CDH12: variants seen among roughly 807,000 people sequenced by gnomAD.
The protein encoded by CDH12 is cadherin-12.
A neutral mutation model predicts 74.1 loss-of-function variants in CDH12; 41 were observed. That is an observed-to-expected ratio of 0.55 (90% CI 0.43 to 0.72). CDH12 has a LOEUF of 0.72. Among genes scored for constraint, CDH12 ranks in the 30% least tolerant of loss-of-function variants. The pLI is 0.00. For missense variants in CDH12, 945 were observed against 977.2 expected (o/e 0.97, Z 0.44); for synonymous variants, 399 against 355.0 (o/e 1.12, Z -1.39).
At chr5:22,373,789 A>G (rs1458482321) in intron 3 of CDH12, among the ~76,000 whole-genome samples, 1 of 152,216 alleles carries the variant, frequency 6.6e-6, no homozygotes, top group Non-Finnish European at 1.5e-5. Flanking sequence ...TAGGAAAACA[A>G]TCCTTCCCTA....
intron 9 of CDH12, among the ~76,000 whole-genome samples, chr5:21,814,142 A>AGTGTGTGTGTGTGT (rs59666017): frequency 3.4e-5 from 5 of 145,602 alleles, no homozygotes; most frequent in East Asian, 2.1e-4. Flanking sequence ...AGGAGAAATG[A>AGTGTGTGTGTGTGT]GTGTGTGTGT....
At chr5:22,211,858 C>CT (rs1000960296) in intron 4 of CDH12, among the ~76,000 whole-genome samples, 4 of 151,444 alleles carry the variant, frequency 2.6e-5, no homozygotes, top group Non-Finnish European at 4.4e-5. Flanking sequence ...CCTTTGCTTT[C>CT]TTTTTTTATT....
At chr5:22,137,939 A>C (rs1367788016) in intron 4 of CDH12, among the ~76,000 whole-genome samples, 6 of 152,262 alleles carry the variant, frequency 3.9e-5, no homozygotes. Context: ...GATATCAGCA[A>C]TTTGTTGAAA....
At chr5:22,781,316 T>C (rs1018306764) in intron 1 of CDH12, among the ~76,000 whole-genome samples, 2 of 152,198 alleles carry the variant, frequency 1.3e-5, no homozygotes, top group South Asian at 4.1e-4. Flanking sequence ...TGGTCTAGAA[T>C]TGATACACAT....
chr5:22,652,209 A>G (rs1561553066), intron 1 of CDH12, among the ~76,000 whole-genome samples: 2 of 152,174 alleles, frequency 1.3e-5, no homozygotes, highest in Non-Finnish European at 2.9e-5. Context: ...GAACAGATTA[A>G]TTAATTCATT....
intron 4 of CDH12, among the ~76,000 whole-genome samples, chr5:22,138,318 G>A (rs1746574626): frequency 6.6e-6 from 1 of 151,766 alleles, no homozygotes; most frequent in Non-Finnish European, 1.5e-5. Flanking sequence ...CAATGTGAAA[G>A]TGTTAGAAAT....
chr5:22,729,871 T>C (rs1744344325), intron 1 of CDH12, among the ~76,000 whole-genome samples: 1 of 151,910 alleles, frequency 6.6e-6, no homozygotes, highest in African/African-American at 2.4e-5. Context: ...GTTCTGTCTT[T>C]ATCTATTAAT....
intron 2 of CDH12, among the ~76,000 whole-genome samples, chr5:22,497,576 T>C (rs1747149496): frequency 6.6e-6 from 1 of 150,412 alleles, no homozygotes; most frequent in South Asian, 2.1e-4. Flanking sequence ...AGAAGTCCTC[T>C]GAAAAGATAA....
intron 1 of CDH12, among the ~76,000 whole-genome samples, chr5:22,801,243 G>C (rs1748493859): frequency 6.6e-6 from 1 of 152,110 alleles, no homozygotes; most frequent in African/African-American, 2.4e-5. Context: ...CTTCTAACAG[G>C]TGTGCAGTGG....
chr5:22,129,712 T>G (rs182367057), intron 4 of CDH12, among the ~76,000 whole-genome samples: 2 of 152,244 alleles, frequency 1.3e-5, no homozygotes, highest in East Asian at 3.9e-4. Context: ...GAAATAAATT[T>G]TCTCATAGAT....
chr5:21,872,861 A>C (rs1484782288), intron 6 of CDH12, among the ~76,000 whole-genome samples: 1 of 114,796 alleles, frequency 8.7e-6, no homozygotes, highest in African/African-American at 3.2e-5. Context: ...TCTATCATCT[A>C]TCTACCTATA....
At chr5:22,435,271 G>A (rs1227507877) in intron 2 of CDH12, among the ~76,000 whole-genome samples, 7 of 151,968 alleles carry the variant, frequency 4.6e-5, no homozygotes, top group Non-Finnish European at 7.4e-5. Context: ...TCCTGCCCTC[G>A]AACATCGGAC....
intron 5 of CDH12, among the ~76,000 whole-genome samples, chr5:22,014,525 T>C (rs1023156639): frequency 6.6e-6 from 1 of 152,148 alleles, no homozygotes; most frequent in Admixed American, 6.6e-5. Flanking sequence ...TGAAGGTTGA[T>C]AGACATAACC....
chr5:22,395,812 AT>A (rs1364526008), intron 3 of CDH12, among the ~76,000 whole-genome samples: 1 of 152,058 alleles, frequency 6.6e-6, no homozygotes, highest in Non-Finnish European at 1.5e-5. Context: ...TAAAGAAGAG[AT>A]GGGTAAGGCC....
chr5:22,252,202 G>A (rs1753160451), intron 3 of CDH12, among the ~76,000 whole-genome samples: 1 of 151,768 alleles, frequency 6.6e-6, no homozygotes, highest in Non-Finnish European at 1.5e-5. Flanking sequence ...TACTACAGAA[G>A]GGATTACTAT....
intron 1 of CDH12, among the ~76,000 whole-genome samples, chr5:22,595,466 G>T (rs1314504128): frequency 6.6e-6 from 1 of 152,130 alleles, no homozygotes; most frequent in Admixed American, 6.5e-5. Flanking sequence ...TTATAGTAAT[G>T]TTTACATTTA....
intron 3 of CDH12, among the ~76,000 whole-genome samples, chr5:22,233,267 A>G (rs1752450008): frequency 6.6e-6 from 1 of 151,776 alleles, no homozygotes; most frequent in Non-Finnish European, 1.5e-5. Flanking sequence ...GAGTTTTTCC[A>G]AAATAAACTG....
intron 3 of CDH12, among the ~76,000 whole-genome samples, chr5:22,288,150 C>T (rs1737235879): frequency 6.6e-6 from 1 of 152,080 alleles, no homozygotes; most frequent in African/African-American, 2.4e-5. Context: ...TAGGTCAGAG[C>T]CAGACCCATT....
chr5:22,605,826 A>T (rs1737086490), intron 1 of CDH12, among the ~76,000 whole-genome samples: 1 of 152,204 alleles, frequency 6.6e-6, no homozygotes, highest in South Asian at 2.1e-4. Flanking sequence ...GCTCTTGGGC[A>T]TTCGGAAGCA....
Sources: gnomAD v4.1 joint callset for allele counts (sites outside exome capture counted in the v4.1 genomes callset) on GRCh38, gnomAD v4.1.1 for gene constraint, MANE v1.5 for transcripts, NCBI Gene and HGNC (gene_info 2026-07-23, HGNC 2026-07-21) for gene names.